Variants in SMOC1 observed in about 807,000 individuals in gnomAD.
SMOC1 encodes the protein SPARC-related modular calcium-binding protein 1.
SMOC1 carries 22 observed loss-of-function variants against 56.3 expected under a neutral mutation model. The ratio of observed to expected loss-of-function variants is 0.39; its 90% CI spans 0.28 to 0.56. The LOEUF is 0.56. Ranked by LOEUF, SMOC1 falls within the 20% of genes least tolerant of loss-of-function variation. SMOC1 has a pLI of 0.61. For synonymous variants in SMOC1, 193 were observed against 215.0 expected (o/e 0.90, Z 0.89); for missense variants, 509 against 565.4 (o/e 0.90, Z 1.01).
At chr14:70,016,408 T>G (rs1885514892) in intron 10 of SMOC1, among the ~76,000 whole-genome samples, 1 of 152,212 alleles carries the variant, frequency 6.6e-6, no homozygotes, top group African/African-American at 2.4e-5. Context: ...AATGAAGACT[T>G]GAACTGCCTT....
At chr14:69,954,589 G>A (rs192143834) in intron 3 of SMOC1, among the ~76,000 whole-genome samples, 7 of 152,296 alleles carry the variant, frequency 4.6e-5, no homozygotes, top group East Asian at 1.9e-4. Flanking sequence ...CAGCCTGGGC[G>A]GTGGGCAGCT....
intron 5 of SMOC1, among the ~76,000 whole-genome samples, chr14:69,978,581 C>T (rs977045212): frequency 6.6e-6 from 1 of 152,156 alleles, no homozygotes; most frequent in Admixed American, 6.5e-5. Context: ...CTCATTAGCA[C>T]AAAGCTTTTG....
intron 1 of SMOC1, among the ~76,000 whole-genome samples, chr14:69,898,419 T>G (rs1386951681): frequency 6.6e-6 from 1 of 152,166 alleles, no homozygotes; most frequent in South Asian, 2.1e-4. Flanking sequence ...ATTATACATG[T>G]TATACCTTTC....
intron 1 of SMOC1, among the ~76,000 whole-genome samples, chr14:69,911,877 G>T (rs796605439): frequency 2.0e-5 from 3 of 152,242 alleles, no homozygotes; most frequent in African/African-American, 7.2e-5. Context: ...CTTTGAGTGG[G>T]ATTGCTGGGT....
chr14:69,916,802 T>C (rs1221779454), intron 1 of SMOC1, among the ~76,000 whole-genome samples: 1 of 152,220 alleles, frequency 6.6e-6, no homozygotes, highest in Non-Finnish European at 1.5e-5. Context: ...TCCCTTTGTC[T>C]TGCCTTATTT....
At chr14:69,896,141 G>A (rs1367499137) in intron 1 of SMOC1, among the ~76,000 whole-genome samples, 2 of 152,152 alleles carry the variant, frequency 1.3e-5, no homozygotes, top group South Asian at 2.1e-4. Context: ...AGTGTACTTG[G>A]TCCCCAGTGT....
chr14:69,976,176 G>C (rs907934462), intron 4 of SMOC1, among the ~76,000 whole-genome samples: 2 of 152,160 alleles, frequency 1.3e-5, no homozygotes, highest in Admixed American at 1.3e-4. Context: ...GAGACCACCT[G>C]GGAGCTCAGC....
intron 1 of SMOC1, among the ~76,000 whole-genome samples, chr14:69,920,686 A>C (rs962599716): frequency 7.9e-5 from 12 of 152,204 alleles, no homozygotes; most frequent in African/African-American, 2.9e-4. Flanking sequence ...GCAATAAAAT[A>C]ATCATGCAAA....
At chr14:70,012,596 G>A (rs954031549) in intron 9 of SMOC1, among the ~76,000 whole-genome samples, 2 of 152,222 alleles carry the variant, frequency 1.3e-5, no homozygotes, top group Non-Finnish European at 2.9e-5. Flanking sequence ...GAATGAGCTA[G>A]TTGCTAATTT....
intron 1 of SMOC1, among the ~76,000 whole-genome samples, chr14:69,890,905 A>G (rs1412523951): frequency 2.0e-5 from 3 of 152,234 alleles, no homozygotes; most frequent in Non-Finnish European, 4.4e-5. Flanking sequence ...ATATGGAGAG[A>G]TAAGTTCGAG....
chr14:69,888,623 A>G (rs1457958129), intron 1 of SMOC1, among the ~76,000 whole-genome samples: 1 of 152,038 alleles, frequency 6.6e-6, no homozygotes, highest in Admixed American at 6.5e-5. Flanking sequence ...CTTAAAATCT[A>G]TTTTACACTA....
At chr14:69,985,758 G>A (rs1884342487) in intron 5 of SMOC1, among the ~76,000 whole-genome samples, 1 of 152,118 alleles carries the variant, frequency 6.6e-6, no homozygotes, top group African/African-American at 2.4e-5. Flanking sequence ...GTTATCAAGT[G>A]GATAGATTGC....
chr14:70,002,804 C>G (rs1189447562), intron 7 of SMOC1, among the ~76,000 whole-genome samples: 1 of 152,152 alleles, frequency 6.6e-6, no homozygotes, highest in East Asian at 1.9e-4. Flanking sequence ...TGCTAAAACC[C>G]CCTGTGGCTA....
At chr14:69,919,488 C>T (rs1009049233) in intron 1 of SMOC1, among the ~76,000 whole-genome samples, 1 of 152,156 alleles carries the variant, frequency 6.6e-6, no homozygotes, top group African/African-American at 2.4e-5. Flanking sequence ...TAATATTTAC[C>T]AAGACCTAGA....
chr14:69,926,122 A>T (rs965714991), intron 1 of SMOC1, among the ~76,000 whole-genome samples: 2 of 151,854 alleles, frequency 1.3e-5, no homozygotes, highest in Non-Finnish European at 2.9e-5. Flanking sequence ...TGCGAGTTGC[A>T]TGTCCAGGGA....
At chr14:69,996,576 AG>A (rs1165682881) in intron 7 of SMOC1, among the ~76,000 whole-genome samples, 6 of 152,266 alleles carry the variant, frequency 3.9e-5, no homozygotes, top group Non-Finnish European at 7.3e-5. Context: ...AGATGAGAAT[AG>A]GGTCATGTTG....
chr14:69,987,770 C>T (rs1321135345), intron 5 of SMOC1, among the ~76,000 whole-genome samples: 4 of 152,188 alleles, frequency 2.6e-5, no homozygotes, highest in South Asian at 2.1e-4. Context: ...AGGCTTTGAA[C>T]GGTGTCATCG....
At chr14:69,966,755 T>C (rs1407932936) in intron 3 of SMOC1, among the ~76,000 whole-genome samples, 1 of 152,228 alleles carries the variant, frequency 6.6e-6, no homozygotes, top group Non-Finnish European at 1.5e-5. Context: ...TTGAGAGCTG[T>C]CTTCCTATAA....
intron 7 of SMOC1, among the ~76,000 whole-genome samples, chr14:69,995,354 G>A (rs1337728717): frequency 2.0e-5 from 3 of 152,224 alleles, no homozygotes; most frequent in Non-Finnish European, 4.4e-5. Flanking sequence ...GCATTAGAAT[G>A]CAAGGAATTA....
Sources: gnomAD v4.1 joint callset for allele counts (sites outside exome capture counted in the v4.1 genomes callset) on GRCh38, gnomAD v4.1.1 for gene constraint, MANE v1.5 for transcripts, NCBI Gene and HGNC (gene_info 2026-07-23, HGNC 2026-07-21) for gene names.